ZFR: variants seen among roughly 807,000 people sequenced by gnomAD.
The protein encoded by ZFR is zinc finger RNA-binding protein.
In ZFR, 19 loss-of-function variants were observed where a neutral mutation model predicts 130.7. That is an observed-to-expected ratio of 0.15 (90% CI 0.10 to 0.21). The LOEUF (loss-of-function observed/expected upper bound fraction) is 0.21, where lower values mean the gene tolerates loss of function less well. Among genes scored for constraint, ZFR ranks in the 10% least tolerant of loss-of-function variants. The pLI is 1.00. For missense variants in ZFR, 872 were observed against 1,321.5 expected (o/e 0.66, Z 5.27); for synonymous variants, 466 against 456.9 (o/e 1.02, Z -0.25).
At chr5:32,391,589 A>G (rs16889693) in intron 11 of ZFR, among the ~76,000 whole-genome samples, 5,355 of 148,496 alleles carry the variant, frequency 0.036, 90 homozygotes, top group Middle Eastern at 0.064. Context: ...CTCATTTTCA[A>G]CTTCAAACTA....
chr5:32,415,883 CATAA>C (rs1753815853), intron 4 of ZFR, among the ~76,000 whole-genome samples: 1 of 151,868 alleles, frequency 6.6e-6, no homozygotes, highest in African/African-American at 2.4e-5. Flanking sequence ...CACTAAAGCA[CATAA>C]ATGTTATTTC....
At chr5:32,371,348 T>A (rs577365264) in intron 17 of ZFR, among the ~76,000 whole-genome samples, 1 of 152,318 alleles carries the variant, frequency 6.6e-6, no homozygotes, top group South Asian at 2.1e-4. Flanking sequence ...CCAGTTTAGA[T>A]GACAGAGCAG....
Position 32,400,129 on chromosome 5 carries a change from CAGG to C in ZFR, c.1588_1590del (p.Pro530del), listed in dbSNP as rs770857902. On this transcript the variant is annotated inframe_deletion, in exon 9 of 20. Transcript: ENST00000265069. Reference sequence around the variant, plus strand: ...TCAGGAATCTGCACAGCAGAAGTGACAGGAGTACTTTTAACACATTCGGTTCCT... The same window carrying C: ...TCAGGAATCTGCACAGCAGAAGTGACAGTACTTTTAACACATTCGGTTCCT... The C allele has an allele frequency of 2.5e-6, 4 of 1,613,472 alleles. No individual in the cohort carries two copies. In the East Asian group the frequency reaches 6.7e-5, roughly 27 times the overall value.
intron 19 of ZFR, 72 bp from the exon 20 acceptor site, chr5:32,356,011 C>G: frequency 8.0e-7 from 1 of 1,245,844 alleles, no homozygotes; most frequent in Non-Finnish European, 1.1e-6. Flanking sequence ...ACATTTACCT[C>G]CCTCCAAATG....
intron 11 of ZFR, among the ~76,000 whole-genome samples, chr5:32,393,437 G>A (rs1378241747): frequency 6.6e-6 from 1 of 151,282 alleles, no homozygotes; most frequent in Non-Finnish European, 1.5e-5. Flanking sequence ...TCCTCTTCCC[G>A]GGTTCAAGCA....
At chr5:32,393,960 A>G (rs1185922418) in intron 11 of ZFR, among the ~76,000 whole-genome samples, 1 of 152,228 alleles carries the variant, frequency 6.6e-6, no homozygotes. Context: ...AACTACCTAA[A>G]TATCTAAACA....
chr5:32,355,991 A>C, intron 19 of ZFR, 52 bp from the exon 20 acceptor site: 4 of 1,459,376 alleles, frequency 2.7e-6, no homozygotes, highest in Non-Finnish European at 3.7e-6. Flanking sequence ...CCCAAGTAGT[A>C]ATACTTACTA....
intron 5 of ZFR, among the ~76,000 whole-genome samples, chr5:32,413,574 CAGAGAA>C (rs1349253297): frequency 6.6e-6 from 1 of 151,608 alleles, no homozygotes; most frequent in Non-Finnish European, 1.5e-5. Context: ...TATAGACAAC[CAGAGAA>C]AGAGAAAGGA....
At chr5:32,391,179 T>C (rs1753163448) in intron 11 of ZFR, among the ~76,000 whole-genome samples, 1 of 152,202 alleles carries the variant, frequency 6.6e-6, no homozygotes, top group Non-Finnish European at 1.5e-5. Flanking sequence ...CTATGAATCA[T>C]CCCTTTGTCC....
In ZFR at chr5:32,415,022, A is replaced by T. The variant is rs1190399012; in HGVS notation, c.731T>A (p.Val244Glu). ...AGTAGCACTCTGAGTATAGGATGGC[A>T]CCACAGTAGCCGCAGCTGCTACTGG... ...VQPVAAAATV[V>E]PSYTQSATYS... Residue 244 changes from valine (V) to glutamate (E), a missense_variant, in exon 5 of 20, where the codon GTG (valine) becomes GAG (glutamate). Around this residue, in one of 7 missense-constraint regions of ZFR, gnomAD observed 240 missense variants for 441.2 expected, o/e 0.54. Coordinates refer to ENST00000265069, the MANE Select transcript of ZFR (RefSeq NM_016107.5). 1 of 1,614,114 alleles carries T rather than the reference A, an allele frequency of 6.2e-7. No homozygotes were observed. The highest frequency in any genetic ancestry group is 8.5e-7 in the Non-Finnish European group (1 of 1,179,984).
At chr5:32,435,024 T>A (rs530572878) in intron 2 of ZFR, among the ~76,000 whole-genome samples, 2 of 152,228 alleles carry the variant, frequency 1.3e-5, no homozygotes, top group South Asian at 4.2e-4. Context: ...GCTCCGGTGA[T>A]CCTCCCACCT....
At chr5:32,383,879 T>G (rs1205610006) in intron 15 of ZFR, 1 of 448,552 alleles carries the variant, frequency 2.2e-6, no homozygotes, top group Non-Finnish European at 4.5e-6. Flanking sequence ...ATCCAACTTT[T>G]CAGCTCAGTG....
chr5:32,444,595 A>C, intron 1 of ZFR, 27 bp downstream of exon 1: 1 of 1,476,930 alleles, frequency 6.8e-7, no homozygotes, highest in Non-Finnish European at 9.0e-7. Context: ...GGCCGGGCAG[A>C]GGCCTCGCGG....
intron 17 of ZFR, among the ~76,000 whole-genome samples, chr5:32,368,941 G>A (rs1219410976): frequency 1.3e-5 from 2 of 148,180 alleles, no homozygotes; most frequent in African/African-American, 4.9e-5. Flanking sequence ...TAGTCCAGTT[G>A]ACATGGATCA....
At chr5:32,435,331 T>C (rs1057070024) in intron 2 of ZFR, among the ~76,000 whole-genome samples, 2 of 152,262 alleles carry the variant, frequency 1.3e-5, no homozygotes, top group African/African-American at 4.8e-5. Flanking sequence ...GCTAACCTTC[T>C]GTCAATTCAG....
chr5:32,436,684 C>A (rs1020637416), intron 2 of ZFR, among the ~76,000 whole-genome samples: 3 of 152,134 alleles, frequency 2.0e-5, no homozygotes, highest in African/African-American at 7.2e-5. Context: ...CTTTGCTGTT[C>A]ACGCTAGTCT....
In ZFR at chr5:32,364,057, A is replaced by C; in HGVS notation, c.2948-12T>G. On this transcript the variant is annotated splice_polypyrimidine_tract_variant and intron_variant, in intron 18 of 19. Coordinates refer to ENST00000265069, the MANE Select transcript of ZFR (RefSeq NM_016107.5). ...AAGTCCAGGACTACCTACAGCAATC[A>C]CCACAGGGAGAGGAAATTATTAGCA... The C allele has an allele frequency of 6.2e-7, 1 of 1,612,956 alleles. No individual in the cohort carries two copies. Among genetic ancestry groups the C allele is most frequent in the Non-Finnish European group, 8.5e-7 (1 of 1,179,152 alleles).
chr5:32,411,304 C>A (rs966206182), intron 5 of ZFR, among the ~76,000 whole-genome samples: 1 of 152,136 alleles, frequency 6.6e-6, no homozygotes, highest in Non-Finnish European at 1.5e-5. Context: ...CTGTGTGAGC[C>A]TCAAAGAGAG....
intron 16 of ZFR, 31 bp from the exon 17 acceptor site, chr5:32,379,241 A>G: frequency 6.4e-7 from 1 of 1,562,168 alleles, no homozygotes; most frequent in Non-Finnish European, 8.8e-7. Context: ...CAATTGAATT[A>G]ATCTTAGAAA....
Sources: allele counts gnomAD v4.1 joint callset (sites outside exome capture counted in the v4.1 genomes callset), GRCh38; gene constraint gnomAD v4.1.1; regional missense constraint gnomAD v4.1.1; transcripts MANE v1.5; gene names NCBI Gene and HGNC (gene_info 2026-07-23, HGNC 2026-07-21).